RNF220: variants seen among roughly 807,000 people sequenced by gnomAD.
The protein encoded by RNF220 is ring finger protein 220.
RNF220 carries 7 observed loss-of-function variants against 67.1 expected under a neutral mutation model. The ratio of observed to expected loss-of-function variants is 0.10; its 90% CI spans 0.06 to 0.20. RNF220 has a LOEUF of 0.20. Among genes scored for constraint, RNF220 ranks in the 10% least tolerant of loss-of-function variants. RNF220 has a pLI of 1.00. For synonymous variants in RNF220, 270 were observed against 283.2 expected (o/e 0.95, Z 0.47); for missense variants, 565 against 740.3 (o/e 0.76, Z 2.75).
At chr1:44,629,600 G>T (rs989670665) in intron 5 of RNF220, among the ~76,000 whole-genome samples, 1 of 152,184 alleles carries the variant, frequency 6.6e-6, no homozygotes, top group African/African-American at 2.4e-5. Flanking sequence ...CACTTTGGGA[G>T]GCCAACGCAA....
At chr1:44,613,707 T>A (rs956219610) in intron 2 of RNF220, among the ~76,000 whole-genome samples, 3 of 152,026 alleles carry the variant, frequency 2.0e-5, no homozygotes, top group Non-Finnish European at 2.9e-5. Flanking sequence ...TGAAATCCCA[T>A]CTCTACAAAA....
chr1:44,537,537 T>C (rs937554827), intron 2 of RNF220, among the ~76,000 whole-genome samples: 3 of 152,236 alleles, frequency 2.0e-5, no homozygotes, highest in Non-Finnish European at 4.4e-5. Flanking sequence ...TCTTGCCTCA[T>C]ATTGAGCCAA....
At chr1:44,505,833 T>A (rs763976138) in intron 2 of RNF220, among the ~76,000 whole-genome samples, 2 of 151,984 alleles carry the variant, frequency 1.3e-5, no homozygotes, top group Non-Finnish European at 2.9e-5. Context: ...ACTGCTGGGT[T>A]TTTCTTTTTT....
chr1:44,636,108 T>C lies in RNF220; in HGVS notation c.1072T>C (p.Trp358Arg). ...CAACAACCGCTTTGAGGAGTATGAG[T>C]GGTGTGGACAGAAGCGGATACGGGC... ...ENNNRFEEYE[W>R]CGQKRIRATT... Residue 358 changes from tryptophan (W) to arginine (R), a missense_variant, in exon 8 of 15, where the codon TGG becomes CGG. Coordinates refer to ENST00000361799, the MANE Select transcript of RNF220 (RefSeq NM_018150.4). The C allele has an allele frequency of 6.2e-7, 1 of 1,613,674 alleles. No individual in the cohort carries two copies. The highest frequency in any genetic ancestry group is 8.5e-7 in the Non-Finnish European group (1 of 1,179,818).
At chr1:44,439,531 TTTTA>T (rs1651342555) in intron 2 of RNF220, among the ~76,000 whole-genome samples, 1 of 152,008 alleles carries the variant, frequency 6.6e-6, no homozygotes, top group Non-Finnish European at 1.5e-5. Context: ...TGTTATTTGT[TTTTA>T]TTTATTTTTA....
intron 2 of RNF220, among the ~76,000 whole-genome samples, chr1:44,447,089 C>A (rs1652183375): frequency 6.6e-6 from 1 of 152,136 alleles, no homozygotes; most frequent in Admixed American, 6.5e-5. Flanking sequence ...CCTAAAAAAG[C>A]AAATCATTTT....
At chr1:44,485,096 A>G (rs929080085) in intron 2 of RNF220, among the ~76,000 whole-genome samples, 1 of 152,236 alleles carries the variant, frequency 6.6e-6, no homozygotes, top group African/African-American at 2.4e-5. Flanking sequence ...AGATCGTGCC[A>G]CTGCACTCTA....
intron 2 of RNF220, among the ~76,000 whole-genome samples, chr1:44,422,372 G>T (rs1007628103): frequency 6.6e-6 from 1 of 152,144 alleles, no homozygotes; most frequent in Non-Finnish European, 1.5e-5. Flanking sequence ...AAGTCTGGAC[G>T]CATGGGCTTC....
chr1:44,475,116 T>TG (rs1655179924), intron 2 of RNF220, among the ~76,000 whole-genome samples: 1 of 152,196 alleles, frequency 6.6e-6, no homozygotes, highest in South Asian at 2.1e-4. Context: ...GCACTCTAAT[T>TG]GCTTTAAGTT....
intron 2 of RNF220, among the ~76,000 whole-genome samples, chr1:44,566,417 A>G (rs1361804849): frequency 6.6e-6 from 1 of 152,120 alleles, no homozygotes; most frequent in South Asian, 2.1e-4. Flanking sequence ...GCCTGCCTGT[A>G]TCCAGCACCC....
At chr1:44,501,917 G>A (rs1296708297) in intron 2 of RNF220, among the ~76,000 whole-genome samples, 3 of 152,092 alleles carry the variant, frequency 2.0e-5, no homozygotes, top group Non-Finnish European at 4.4e-5. Flanking sequence ...GAAATAGGCA[G>A]CATACTGCTT....
At chr1:44,557,299 T>G (rs1207389709) in intron 2 of RNF220, among the ~76,000 whole-genome samples, 1 of 150,522 alleles carries the variant, frequency 6.6e-6, no homozygotes, top group East Asian at 1.9e-4. Context: ...GATGGGAGCA[T>G]CGATTGAGCC....
chr1:44,525,556 T>C (rs530838364), intron 2 of RNF220, among the ~76,000 whole-genome samples: 7 of 152,248 alleles, frequency 4.6e-5, no homozygotes, highest in Non-Finnish European at 1.0e-4. Flanking sequence ...CTGATACCAC[T>C]GTCCACATGT....
intron 2 of RNF220, among the ~76,000 whole-genome samples, chr1:44,446,866 A>G (rs1220668019): frequency 2.0e-5 from 3 of 152,154 alleles, no homozygotes; most frequent in South Asian, 2.1e-4. Context: ...TGGAGTAACC[A>G]TTCTTAAACT....
intron 2 of RNF220, among the ~76,000 whole-genome samples, chr1:44,580,353 G>A (rs1435677363): frequency 6.6e-6 from 1 of 152,100 alleles, no homozygotes; most frequent in Admixed American, 6.5e-5. Flanking sequence ...CAGGATATTT[G>A]AAATCGGGTC....
intron 2 of RNF220, among the ~76,000 whole-genome samples, chr1:44,557,863 C>T (rs1663242789): frequency 6.6e-6 from 1 of 152,222 alleles, no homozygotes; most frequent in Non-Finnish European, 1.5e-5. Flanking sequence ...CCCCACCAGC[C>T]TTCTCACTTC....
intron 12 of RNF220, among the ~76,000 whole-genome samples, chr1:44,648,016 C>G (rs1451425168): frequency 6.6e-6 from 1 of 152,244 alleles, no homozygotes; most frequent in Non-Finnish European, 1.5e-5. Flanking sequence ...TGCATGCCAT[C>G]TCCTTTCTTA....
At chr1:44,506,766 C>T (rs564752299) in intron 2 of RNF220, among the ~76,000 whole-genome samples, 2 of 152,262 alleles carry the variant, frequency 1.3e-5, no homozygotes, top group South Asian at 2.1e-4. Context: ...CTGACTTGCC[C>T]GGTGTGGTAA....
intron 2 of RNF220, among the ~76,000 whole-genome samples, chr1:44,553,048 T>C (rs1662791890): frequency 6.6e-6 from 1 of 152,126 alleles, no homozygotes; most frequent in Non-Finnish European, 1.5e-5. Flanking sequence ...CCCTTCTTCT[T>C]CTCCCTATCT....
Sources: gnomAD v4.1 joint callset for allele counts (sites outside exome capture counted in the v4.1 genomes callset) on GRCh38, gnomAD v4.1.1 for gene constraint, MANE v1.5 for transcripts, NCBI Gene and HGNC (gene_info 2026-07-23, HGNC 2026-07-21) for gene names.